Variants in RORB observed in about 807,000 individuals in gnomAD.
The protein encoded by RORB is nuclear receptor ROR-beta.
RORB carries 6 observed loss-of-function variants against 59.1 expected under a neutral mutation model. The observed-to-expected ratio is 0.10, with a 90% CI of 0.06 to 0.20. The LOEUF (loss-of-function observed/expected upper bound fraction) is 0.20, where lower values mean the gene tolerates loss of function less well. RORB is among the 10% of genes least tolerant of loss of function. The pLI is 1.00. For missense variants in RORB, 320 were observed against 560.5 expected (o/e 0.57, Z 4.33); for synonymous variants, 215 against 204.5 (o/e 1.05, Z -0.44).
chr9:74,562,304 C>A (rs889041503), intron 1 of RORB, among the ~76,000 whole-genome samples: 3 of 152,072 alleles, frequency 2.0e-5, no homozygotes, highest in Admixed American at 6.5e-5. Context: ...AAAGTTAGAT[C>A]CAATGGAGTA....
intron 4 of RORB, among the ~76,000 whole-genome samples, chr9:74,653,168 C>T (rs1294834875): frequency 1.3e-5 from 2 of 152,098 alleles, no homozygotes; most frequent in South Asian, 4.1e-4. Context: ...CACCTTTCAA[C>T]CAAGTGTTTT....
chr9:74,676,143 C>T (rs1824437839), intron 9 of RORB, among the ~76,000 whole-genome samples: 1 of 152,176 alleles, frequency 6.6e-6, no homozygotes, highest in South Asian at 2.1e-4. Flanking sequence ...TGGGTCTAGC[C>T]CATTCCCAAA....
intron 4 of RORB, among the ~76,000 whole-genome samples, chr9:74,644,801 C>T (rs1261613965): frequency 1.3e-5 from 2 of 152,104 alleles, no homozygotes; most frequent in African/African-American, 4.8e-5. Flanking sequence ...AAAGGGGAGT[C>T]TTCTAAGAAT....
At chr9:74,620,382 G>A (rs1207315764) in intron 1 of RORB, among the ~76,000 whole-genome samples, 1 of 152,058 alleles carries the variant, frequency 6.6e-6, no homozygotes, top group Non-Finnish European at 1.5e-5. Context: ...TGGGATCGGT[G>A]GTGATATCCA....
intron 9 of RORB, among the ~76,000 whole-genome samples, chr9:74,675,648 T>C (rs962812493): frequency 3.3e-5 from 5 of 152,226 alleles, no homozygotes; most frequent in African/African-American, 1.2e-4. Context: ...CATTGCACTA[T>C]GGTCATTTAG....
intron 9 of RORB, 48 bp downstream of exon 9, chr9:74,671,949 G>A (rs779893327): frequency 1.5e-5 from 16 of 1,037,800 alleles, no homozygotes; most frequent in Admixed American, 2.3e-5. Context: ...AGAGCACAGT[G>A]AGCAAAAAGG....
At chr9:74,524,642 T>C (rs1826130912) in intron 1 of RORB, among the ~76,000 whole-genome samples, 1 of 151,994 alleles carries the variant, frequency 6.6e-6, no homozygotes, top group African/African-American at 2.4e-5. Context: ...ATAATGTAAA[T>C]ACTTTTTTTT....
intron 1 of RORB, among the ~76,000 whole-genome samples, chr9:74,551,662 G>C (rs7851053): frequency 0.58 from 88,311 of 152,020 alleles, 26,528 homozygotes; most frequent in African/African-American, 0.72. Flanking sequence ...GGGATCCCAA[G>C]TTATACAATA....
rs373246693 is a variant in RORB, at chr9:74,607,611, C to T, written c.8-22671C>T. Among the ~76,000 whole-genome samples the T allele has an allele frequency of 7.2e-3, 955 of 133,254 alleles. 14 individuals carry two copies. The highest frequency in any genetic ancestry group is 0.024 in the African/African-American group (909 of 37,272). The allele number at this position is 133,254 out of a possible 152,430, so 87.4% of individuals were successfully genotyped here. On this transcript the variant is annotated intron_variant, in intron 1 of 9. Transcript: ENST00000376896. ...ATATATATATTTATTTATATATATA[C>T]ACACACACATAAGTGTATTCATAAG...
At chr9:74,616,587 C>T (rs1823316096) in intron 1 of RORB, among the ~76,000 whole-genome samples, 1 of 152,176 alleles carries the variant, frequency 6.6e-6, no homozygotes, top group South Asian at 2.1e-4. Flanking sequence ...CTTTAAGTAA[C>T]TATCCTTGCT....
chr9:74,573,372 A>C (rs1822581627), intron 1 of RORB, among the ~76,000 whole-genome samples: 1 of 151,640 alleles, frequency 6.6e-6, no homozygotes, highest in Non-Finnish European at 1.5e-5. Context: ...TGACAACGTC[A>C]GTGCTTGAAT....
At chr9:74,637,528 C>CTG (rs144516725) in intron 3 of RORB, among the ~76,000 whole-genome samples, 8 of 151,468 alleles carry the variant, frequency 5.3e-5, no homozygotes, top group Admixed American at 2.0e-4. Flanking sequence ...ATGTGTGTGT[C>CTG]TGTGTGTGTG....
At chr9:74,583,976 C>T (rs146387000) in intron 1 of RORB, among the ~76,000 whole-genome samples, 4 of 152,236 alleles carry the variant, frequency 2.6e-5, no homozygotes, top group African/African-American at 9.6e-5. Flanking sequence ...TTGTGTAGAA[C>T]GGGTACAAAA....
At chr9:74,626,858 G>A (rs550666703) in intron 1 of RORB, among the ~76,000 whole-genome samples, 2 of 152,316 alleles carry the variant, frequency 1.3e-5, no homozygotes, top group Admixed American at 6.5e-5. Flanking sequence ...TCTGGAAGAT[G>A]TGCTTTATAA....
intron 1 of RORB, among the ~76,000 whole-genome samples, chr9:74,579,539 A>G (rs1028754184): frequency 6.6e-6 from 1 of 152,128 alleles, no homozygotes. Context: ...GCAATACACA[A>G]AAGTTGGGTT....
chr9:74,639,392 A>T (rs1172745123), intron 3 of RORB, among the ~76,000 whole-genome samples: 1 of 152,238 alleles, frequency 6.6e-6, no homozygotes. Flanking sequence ...GGGGAAGGGC[A>T]TGGAAAGAAA....
At chr9:74,656,408 C>A (rs905421210) in intron 4 of RORB, among the ~76,000 whole-genome samples, 1 of 152,172 alleles carries the variant, frequency 6.6e-6, no homozygotes, top group Non-Finnish European at 1.5e-5. Flanking sequence ...CTAATGCCAT[C>A]TCATCTTTGC....
intron 1 of RORB, among the ~76,000 whole-genome samples, chr9:74,561,120 T>C (rs771678549): frequency 4.5e-4 from 68 of 152,140 alleles, no homozygotes; most frequent in Non-Finnish European, 7.6e-4. Context: ...GTGAATTGAA[T>C]GAGAAGAAGA....
intron 1 of RORB, among the ~76,000 whole-genome samples, chr9:74,530,412 T>C (rs2118095392): frequency 6.6e-6 from 1 of 152,108 alleles, no homozygotes; most frequent in South Asian, 2.1e-4. Context: ...TTCGCATTGC[T>C]TTCTGCAAGT....
Sources: allele counts gnomAD v4.1 joint callset (sites outside exome capture counted in the v4.1 genomes callset), GRCh38; gene constraint gnomAD v4.1.1; transcripts MANE v1.5; gene names NCBI Gene and HGNC (gene_info 2026-07-23, HGNC 2026-07-21).